The following PRLR variants were observed in gnomAD, a reference collection of about 807,000 sequenced individuals.
PRLR encodes prolactin receptor, also known as hPRL receptor.
In PRLR, 13 loss-of-function variants were observed where a neutral mutation model predicts 40.2. The ratio of observed to expected loss-of-function variants is 0.32; its 90% confidence interval spans 0.21 to 0.51. The LOEUF is 0.51. Ranked by LOEUF, PRLR falls within the 20% of genes least tolerant of loss-of-function variation. The pLI, the probability that PRLR is intolerant of heterozygous loss-of-function variation, is 0.97. For synonymous variants in PRLR, 269 were observed against 278.7 expected (o/e 0.97, Z 0.35); for missense variants, 656 against 747.3 (o/e 0.88, Z 1.42).
rs184550264 is a variant in PRLR, at chr5:35,061,961, C to T, written c.*3128G>A. ...ATCATTTTTCTAAAGATTAGTGCCT[C>T]ATTCAATATGTCTCTTCTCAATCTC... On this transcript the variant is annotated 3_prime_UTR_variant, in exon 10 of 10. Coordinates refer to ENST00000618457, the MANE Select transcript of PRLR (RefSeq NM_000949.7). 3 of 152,244 alleles carry T rather than the reference C, an allele frequency of 2.0e-5. No homozygotes were observed. In the East Asian group the frequency reaches 5.8e-4, roughly 29 times the overall value. The allele number at this position is 152,244 out of a possible 1,614,324, so 9.4% of individuals were successfully genotyped here. A position where few individuals can be genotyped will look rare whatever the true frequency, so the allele number is the denominator to read the frequency against.
At chr5:35,086,806 G>A (rs552203847) in intron 3 of PRLR, among the ~76,000 whole-genome samples, 2 of 151,974 alleles carry the variant, frequency 1.3e-5, no homozygotes, top group Non-Finnish European at 2.9e-5. Flanking sequence ...AGACACTCTG[G>A]CAAAACACCG....
At chr5:35,171,066 A>G (rs1372390583) in intron 1 of PRLR, among the ~76,000 whole-genome samples, 1 of 145,800 alleles carries the variant, frequency 6.9e-6, no homozygotes, top group East Asian at 2.0e-4. Context: ...TTTTTTTTTA[A>G]TAGGATCTAA....
rs1444002189 is a variant in PRLR at position 35,064,874 on chromosome 5, G to A, written c.*215C>T. On this transcript the variant is annotated 3_prime_UTR_variant, in exon 10 of 10. Coordinates refer to ENST00000618457, the MANE Select transcript of PRLR (RefSeq NM_000949.7). The stretch of plus-strand genomic sequence containing the variant: ...TGAACACATAGTTTTATAACTAACA[G>A]CAAAAAGTAAATCTACAAATCACAG... The A allele has an allele frequency of 2.1e-5, 12 of 583,836 alleles. No homozygotes were observed. Among genetic ancestry groups the A allele is most frequent in the Non-Finnish European group, 3.2e-5 (11 of 340,936 alleles). 36.2% of individuals were successfully genotyped at this position (583,836 alleles called of 1,614,324 possible).
At chr5:35,111,787 A>T (rs1772674662) in intron 2 of PRLR, among the ~76,000 whole-genome samples, 1 of 152,230 alleles carries the variant, frequency 6.6e-6, no homozygotes, top group African/African-American at 2.4e-5. Context: ...TTTTGATCCC[A>T]ATCTAATATA....
chr5:35,141,368 A>C (rs927616076), intron 1 of PRLR, among the ~76,000 whole-genome samples: 1 of 152,188 alleles, frequency 6.6e-6, no homozygotes, highest in Non-Finnish European at 1.5e-5. Flanking sequence ...GCATGAATCT[A>C]TGGGGGTCAT....
At chr5:35,108,780 G>A (rs1188499589) in intron 2 of PRLR, among the ~76,000 whole-genome samples, 2 of 152,136 alleles carry the variant, frequency 1.3e-5, no homozygotes, top group East Asian at 3.8e-4. Flanking sequence ...CATAAAAATG[G>A]CCATACTGCC....
intron 1 of PRLR, among the ~76,000 whole-genome samples, chr5:35,129,676 T>TC (rs1246035265): frequency 6.6e-6 from 1 of 151,950 alleles, no homozygotes; most frequent in Non-Finnish European, 1.5e-5. Context: ...TCAATTTTTT[T>TC]TTTTTTACTC....
At chr5:35,085,132 T>C (rs1359449654) in intron 4 of PRLR, among the ~76,000 whole-genome samples, 1 of 152,218 alleles carries the variant, frequency 6.6e-6, no homozygotes, top group African/African-American at 2.4e-5. Flanking sequence ...CATTTCAGAC[T>C]GCACCAAGTC....
chr5:35,089,807 G>A, intron 2 of PRLR, 144 bp from the exon 3 acceptor site: 1 of 602,772 alleles, frequency 1.7e-6, no homozygotes, highest in Non-Finnish European at 3.0e-6. Flanking sequence ...GTAGGAAAAT[G>A]TAACAGGGTT....
Position 35,158,615 on chromosome 5 carries a change from C to T in PRLR, c.-105-40493G>A, listed in dbSNP as rs879128206. Among the ~76,000 whole-genome samples, 5 of 152,072 alleles carry T rather than the reference C, an allele frequency of 3.3e-5. No homozygotes were observed. The South Asian group carries it at 6.2e-4, about 19-fold the overall frequency. ...GGTGAATATGTGCCCCTTGCTGGCA[C>T]GTATTGAGAGTATCCAAGTGAGAGT... On this transcript the variant is annotated intron_variant, in intron 1 of 9. Transcript: ENST00000618457.
In PRLR at chr5:35,128,220, A is replaced by G. The variant is rs560868467; in HGVS notation, c.-105-10098T>C. ...TGTATACAGTTGTCCCTCAGTATTCATGGGGGATTGGTTCCACATACAAAT... is the reference window on the plus strand; with the variant it reads ...TGTATACAGTTGTCCCTCAGTATTCGTGGGGGATTGGTTCCACATACAAAT... On this transcript the variant is annotated intron_variant, in intron 1 of 9. Coordinates refer to ENST00000618457, the MANE Select transcript of PRLR (RefSeq NM_000949.7). Among the ~76,000 whole-genome samples the G allele has an allele frequency of 2.0e-5, 3 of 151,580 alleles. No individual in the cohort carries two copies. The East Asian group carries it at 6.1e-4, about 31-fold the overall frequency.
intron 1 of PRLR, among the ~76,000 whole-genome samples, chr5:35,154,066 A>G (rs1774417378): frequency 6.6e-6 from 1 of 152,208 alleles, no homozygotes; most frequent in Admixed American, 6.5e-5. Context: ...CCTTCAAATA[A>G]CAGCAGCTTA....
chr5:35,178,211 G>C (rs151035966), intron 1 of PRLR, among the ~76,000 whole-genome samples: 1 of 151,900 alleles, frequency 6.6e-6, no homozygotes, highest in East Asian at 1.9e-4. Context: ...AAATTTTTGC[G>C]ACTCAGTTGC....
chr5:35,226,886 G>C (rs531169800), intron 1 of PRLR, among the ~76,000 whole-genome samples: 1 of 152,340 alleles, frequency 6.6e-6, no homozygotes, highest in East Asian at 1.9e-4. Flanking sequence ...TCCCCACTGT[G>C]TCATCAAGTG....
At chr5:35,134,013 A>G (rs1425961236) in intron 1 of PRLR, among the ~76,000 whole-genome samples, 1 of 152,146 alleles carries the variant, frequency 6.6e-6, no homozygotes, top group East Asian at 1.9e-4. Flanking sequence ...GAATGATACA[A>G]TGGACTCTGG....
At chr5:35,219,203 G>T (rs1776358411) in intron 1 of PRLR, among the ~76,000 whole-genome samples, 1 of 152,276 alleles carries the variant, frequency 6.6e-6, no homozygotes, top group African/African-American at 2.4e-5. Flanking sequence ...GGTTTTTGCA[G>T]GAGAAACAAG....
At chr5:35,078,626 C>T (rs148019517) in intron 5 of PRLR, among the ~76,000 whole-genome samples, 21,617 of 151,580 alleles carry the variant, frequency 0.14, 1,998 homozygotes, top group Non-Finnish European at 0.18. Flanking sequence ...TTCTACCAGA[C>T]GTACAAAGAG....
In PRLR at chr5:35,072,533, C is replaced by T. The variant is rs538388353; in HGVS notation, c.543+42G>A. The T allele has an allele frequency of 1.8e-4, 278 of 1,582,830 alleles. 6 individuals carry two copies. In the South Asian group the frequency reaches 3.2e-3, roughly 18 times the overall value. On this transcript the variant is annotated intron_variant, in intron 6 of 9. Transcript: ENST00000618457. ...TTCAGTTGTGAGGGCTTTATCCTTG[C>T]CAAAGGCCATAGTTCCTTCAAAAAG...
chr5:35,065,141 A>G lies in PRLR; in HGVS notation c.1817T>C (p.Leu606Pro), dbSNP rs370999751. 7.4e-6 allele frequency: 12 copies of G among 1,614,056 alleles called. No homozygotes were observed. In the African/African-American group the frequency reaches 1.6e-4, roughly 22 times the overall value. ...GGGATCCAGGTAATCCAAACCACCC[A>G]GCTGGAGCCTGCACTTGCTTGATGT... ...TATSSKCRLQ[L>P]GGLDYLDPAC... Residue 606 changes from leucine (L) to proline (P), a missense_variant, in exon 10 of 10, where the codon CTG becomes CCG. Transcript: ENST00000618457.
Sources: allele counts gnomAD v4.1 joint callset (sites outside exome capture counted in the v4.1 genomes callset), GRCh38; gene constraint gnomAD v4.1.1; transcripts MANE v1.5; gene names NCBI Gene and HGNC (gene_info 2026-07-23, HGNC 2026-07-21).